Variants in TULP4 observed in about 807,000 individuals in gnomAD.
The protein encoded by TULP4 is TUB like protein 4.
Under a neutral mutation model 129.0 loss-of-function variants are expected in TULP4, and 16 were observed. The observed-to-expected ratio is 0.12, with a 90% CI of 0.08 to 0.19. TULP4 has a LOEUF of 0.19. Among genes scored for constraint, TULP4 ranks in the 10% least tolerant of loss-of-function variants. The probability of loss-of-function intolerance (pLI) is 1.00; values close to 1 mark genes in which losing one functional copy is unlikely to be tolerated. For missense variants in TULP4, 1,842 were observed against 2,059.1 expected (o/e 0.89, Z 2.04); for synonymous variants, 998 against 854.0 (o/e 1.17, Z -2.94).
intron 1 of TULP4, among the ~76,000 whole-genome samples, chr6:158,331,023 T>C (rs1357303679): frequency 1.3e-5 from 2 of 152,210 alleles, no homozygotes; most frequent in East Asian, 3.8e-4. Flanking sequence ...TATCTGCCCC[T>C]CATTGGTGAT....
intron 4 of TULP4, among the ~76,000 whole-genome samples, chr6:158,451,123 A>G (rs1779154965): frequency 6.6e-6 from 1 of 152,200 alleles, no homozygotes; most frequent in East Asian, 1.9e-4. Context: ...CAGGACTCAG[A>G]GACCAAGTTT....
chr6:158,479,944 A>T lies in TULP4; in HGVS notation c.1220A>T (p.Tyr407Phe). 1 of 1,609,156 alleles carries T rather than the reference A, an allele frequency of 6.2e-7. No individual in the cohort carries two copies. Among genetic ancestry groups the T allele is most frequent in the Non-Finnish European group, 8.5e-7 (1 of 1,179,644 alleles). The change falls in exon 7 of 14, where the codon TAC becomes TTC. Residue 407 changes from tyrosine (Y) to phenylalanine (F), a missense_variant. By Grantham distance (22) the Tyr-to-Phe change is conservative. Around this residue, in one of 5 missense-constraint regions of TULP4, gnomAD observed 456 missense variants for 534.3 expected, o/e 0.85. Coordinates refer to ENST00000367097, the MANE Select transcript of TULP4 (RefSeq NM_020245.5). ...KLTLPPRLCSYLSTAFIPTIK... is the reference protein window; with the variant it reads ...KLTLPPRLCSFLSTAFIPTIK... ...ACTCTGCCCCCCCGCCTCTGCTCCT[A>T]CCTCTCCACTGCCTTCATCCCCACC...
At chr6:158,295,018 T>C (rs1353747218) in intron 1 of TULP4, among the ~76,000 whole-genome samples, 1 of 152,204 alleles carries the variant, frequency 6.6e-6, no homozygotes, top group Non-Finnish European at 1.5e-5. Flanking sequence ...GCTTCCTCTC[T>C]TTCTTTTCCT....
At chr6:158,328,123 TGTGTGC>T (rs752798027) in intron 1 of TULP4, among the ~76,000 whole-genome samples, 1 of 85,084 alleles carries the variant, frequency 1.2e-5, no homozygotes, top group Non-Finnish European at 2.8e-5. Flanking sequence ...TGTGTGTGTG[TGTGTGC>T]GTGCGTGCTG....
At chr6:158,233,126 GAAGGA>G (rs1228232699) in intron 1 of TULP4, among the ~76,000 whole-genome samples, 1 of 152,194 alleles carries the variant, frequency 6.6e-6, no homozygotes, top group African/African-American at 2.4e-5. Flanking sequence ...TGGCTTTGTG[GAAGGA>G]AACGAGGGTG....
At chr6:158,471,787 G>A (rs1779688499) in intron 6 of TULP4, among the ~76,000 whole-genome samples, 1 of 148,404 alleles carries the variant, frequency 6.7e-6, no homozygotes, top group Admixed American at 6.7e-5. Context: ...TAGGTACTTA[G>A]TAAATCTTTC....
chr6:158,458,945 T>A (rs537494229), intron 5 of TULP4, among the ~76,000 whole-genome samples: 20 of 152,346 alleles, frequency 1.3e-4, no homozygotes, highest in African/African-American at 4.6e-4. Flanking sequence ...GCTGTGCCTG[T>A]CATGTGGCTC....
At chr6:158,308,717 G>A (rs1448649367), upstream of TULP4, among the ~76,000 whole-genome samples, 41 of 145,284 alleles carry the variant, frequency 2.8e-4, no homozygotes, top group African/African-American at 9.3e-4. Flanking sequence ...GGGCAGAGGC[G>A]CCCCTCACCT....
intron 1 of TULP4, among the ~76,000 whole-genome samples, chr6:158,274,680 G>C (rs545439552): frequency 6.6e-6 from 1 of 152,300 alleles, no homozygotes; most frequent in Non-Finnish European, 1.5e-5. Flanking sequence ...GGGAGGCTGA[G>C]GCAGGAGAAT....
intron 1 of TULP4, among the ~76,000 whole-genome samples, chr6:158,371,915 G>T (rs973211826): frequency 2.6e-5 from 4 of 152,126 alleles, no homozygotes; most frequent in African/African-American, 9.7e-5. Flanking sequence ...CCAGGGTTCA[G>T]GTGATCCTCC....
chr6:158,263,249 A>G (rs1400099470), intron 1 of TULP4, among the ~76,000 whole-genome samples: 1 of 152,248 alleles, frequency 6.6e-6, no homozygotes, highest in Non-Finnish European at 1.5e-5. Flanking sequence ...GGTTGTTAGT[A>G]ACTTGACTGA....
At position 158,313,971 on chromosome 6, in the gene TULP4, C is replaced by T; in HGVS notation, c.-46C>T. The T allele has an allele frequency of 6.3e-7, 1 of 1,583,602 alleles. No homozygotes were observed. Among genetic ancestry groups the T allele is most frequent in the Non-Finnish European group, 8.6e-7 (1 of 1,163,664 alleles). ...ATGAAAGAAATTGGTTTAAATTTCACAGCATTAACATTACTTTTTAAGTAA... is the reference window on the plus strand; with the variant it reads ...ATGAAAGAAATTGGTTTAAATTTCATAGCATTAACATTACTTTTTAAGTAA... On this transcript the variant is annotated 5_prime_UTR_variant, in exon 1 of 14. Transcript: ENST00000367097.
chr6:158,397,662 C>T (rs1187203308), intron 1 of TULP4, among the ~76,000 whole-genome samples: 4 of 152,172 alleles, frequency 2.6e-5, no homozygotes, highest in Non-Finnish European at 4.4e-5. Flanking sequence ...AAAGATTGGA[C>T]ACCCCTGTAC....
rs1779220107 is a variant in TULP4, at chr6:158,453,727, T to C, written c.859+1459T>C. ...TTGCTTGAACCTGGGAGGCGGAGGT[T>C]ACAGTGAGCTGAGATCAAGCCACTG... On this transcript the variant is annotated intron_variant, in intron 5 of 13. Transcript: ENST00000367097. Among the ~76,000 whole-genome samples, 6 of 148,646 alleles carry C rather than the reference T, an allele frequency of 4.0e-5. No homozygotes were observed. In the South Asian group the frequency reaches 1.3e-3, roughly 32 times the overall value.
intron 1 of TULP4, chr6:158,238,325 G>T (rs535569971): frequency 6.9e-5 from 59 of 853,286 alleles, no homozygotes; most frequent in Middle Eastern, 4.7e-4. Flanking sequence ...GGTGAGAGAT[G>T]CTCGGGACTT....
At chr6:158,263,021 G>A (rs12216191) in intron 1 of TULP4, among the ~76,000 whole-genome samples, 49,754 of 151,632 alleles carry the variant, frequency 0.33, 9,140 homozygotes, top group Admixed American at 0.45. Context: ...AGATGTGTCT[G>A]TATCTTTGTG....
intron 1 of TULP4, among the ~76,000 whole-genome samples, chr6:158,411,173 C>T (rs1302923811): frequency 6.8e-6 from 1 of 147,374 alleles, no homozygotes; most frequent in Non-Finnish European, 1.5e-5. Context: ...GTTTCCAATA[C>T]CTTCTATATA....
intron 1 of TULP4, among the ~76,000 whole-genome samples, chr6:158,377,945 C>G (rs1777230251): frequency 1.3e-5 from 2 of 152,162 alleles, no homozygotes; most frequent in South Asian, 2.1e-4. Flanking sequence ...TTCTTACACT[C>G]TCAGCTAGAC....
chr6:158,491,074 TGTTAAA>T (rs1428998525), intron 9 of TULP4, among the ~76,000 whole-genome samples: 4 of 152,160 alleles, frequency 2.6e-5, no homozygotes, highest in Non-Finnish European at 4.4e-5. Flanking sequence ...GTCAGATACA[TGTTAAA>T]GTTTATTAGA....
Sources: gnomAD v4.1 joint callset for allele counts (sites outside exome capture counted in the v4.1 genomes callset) on GRCh38, gnomAD v4.1.1 for gene constraint, gnomAD v4.1.1 regional missense constraint, MANE v1.5 for transcripts, NCBI Gene and HGNC (gene_info 2026-07-23, HGNC 2026-07-21) for gene names.